LSAMP: variants seen among roughly 807,000 people sequenced by gnomAD.
The protein encoded by LSAMP is limbic system-associated membrane protein.
In LSAMP, 7 loss-of-function variants were observed where a neutral mutation model predicts 38.6. The observed-to-expected ratio is 0.18, with a 90% CI of 0.10 to 0.34. The LOEUF (loss-of-function observed/expected upper bound fraction) is 0.34. Ranked by LOEUF, LSAMP falls within the 10% of genes least tolerant of loss-of-function variation. LSAMP has a pLI of 1.00. For synonymous variants in LSAMP, 154 were observed against 166.8 expected (o/e 0.92, Z 0.59); for missense variants, 313 against 420.0 (o/e 0.75, Z 2.23).
chr3:116,197,119 T>A (rs2107587938), intron 1 of LSAMP, among the ~76,000 whole-genome samples: 1 of 130,710 alleles, frequency 7.7e-6, no homozygotes, highest in Non-Finnish European at 1.6e-5. Context: ...AAAACAAAAG[T>A]ATCCCACTCG....
At chr3:116,028,887 T>C (rs1257086222) in intron 2 of LSAMP, among the ~76,000 whole-genome samples, 1 of 152,150 alleles carries the variant, frequency 6.6e-6, no homozygotes, top group Non-Finnish European at 1.5e-5. Context: ...TGAGCTTTTA[T>C]CTACTATTAT....
At chr3:115,814,865 C>T (rs983929220) in intron 6 of LSAMP, among the ~76,000 whole-genome samples, 1 of 152,126 alleles carries the variant, frequency 6.6e-6, no homozygotes, top group African/African-American at 2.4e-5. Context: ...ACACAGTCTC[C>T]TAAGAATCTG....
intron 1 of LSAMP, among the ~76,000 whole-genome samples, chr3:116,127,836 A>C (rs1044720391): frequency 2.0e-5 from 3 of 150,788 alleles, no homozygotes; most frequent in Admixed American, 6.7e-5. Context: ...TTTATTCATT[A>C]GGGGAGTTAA....
rs1391342242 is a variant in LSAMP at position 116,053,709 on chromosome 3, G to A, written c.388+32615C>T. Among the ~76,000 whole-genome samples the A allele has an allele frequency of 3.3e-5, 5 of 152,148 alleles. No homozygotes were observed. The East Asian group carries it at 5.8e-4, about 18-fold the overall frequency. On this transcript the variant is annotated intron_variant, in intron 2 of 6. Coordinates refer to ENST00000490035, the MANE Select transcript of LSAMP (RefSeq NM_002338.5). ...TGAGAGACAGAATGTAAGGAAGTTC[G>A]TGGGAAAGATGAATGTCAGGCTGAA...
intron 3 of LSAMP, among the ~76,000 whole-genome samples, chr3:116,010,123 G>C (rs557528045): frequency 9.9e-5 from 15 of 152,182 alleles, no homozygotes; most frequent in African/African-American, 3.4e-4. Flanking sequence ...CACCATGTTG[G>C]CCAGCCTGGT....
chr3:115,982,559 C>T (rs756299041), intron 3 of LSAMP, among the ~76,000 whole-genome samples: 18 of 152,178 alleles, frequency 1.2e-4, no homozygotes, highest in Non-Finnish European at 2.2e-4. Flanking sequence ...CTCAGTGTCT[C>T]AATTTCCCAT....
At chr3:116,444,798 AC>A in intron 1 of LSAMP, 78 bp downstream of exon 1, 2 of 1,542,790 alleles carry the variant, frequency 1.3e-6, no homozygotes, top group Non-Finnish European at 1.8e-6. Context: ...ACACACACAC[AC>A]ACACACACAC....
intron 3 of LSAMP, among the ~76,000 whole-genome samples, chr3:116,002,282 T>C (rs1940018376): frequency 6.6e-6 from 1 of 152,084 alleles, no homozygotes; most frequent in African/African-American, 2.4e-5. Flanking sequence ...TTCTGTTTCC[T>C]AGAGCTTGCA....
At chr3:116,165,363 C>T (rs974434862) in intron 1 of LSAMP, among the ~76,000 whole-genome samples, 4 of 152,106 alleles carry the variant, frequency 2.6e-5, no homozygotes, top group Non-Finnish European at 5.9e-5. Flanking sequence ...TAATTTTGTC[C>T]CCTGCAGTGC....
At position 115,861,509 on chromosome 3, in the gene LSAMP, A is replaced by G. The variant is rs563227407; in HGVS notation, c.515-8892T>C. On this transcript the variant is annotated intron_variant, in intron 3 of 6. Transcript: ENST00000490035. ...TCTGGGCTCAATGAGAGAGAGTGGC[A>G]CTGTCCCCCTGGCGGTAGGAGAAGG... 3.1e-5 allele frequency among the ~76,000 whole-genome samples: 4 copies of G among 127,430 alleles called. No individual in the cohort carries two copies. In the East Asian group the frequency reaches 8.6e-4, roughly 27 times the overall value. The allele number at this position is 127,430 out of a possible 152,430, so 83.6% of individuals were successfully genotyped here. A position where few individuals can be genotyped will look rare whatever the true frequency, so the allele number is the denominator to read the frequency against.
chr3:115,832,048 A>G (rs1004372881), intron 6 of LSAMP, among the ~76,000 whole-genome samples: 1 of 152,150 alleles, frequency 6.6e-6, no homozygotes, highest in African/African-American at 2.4e-5. Context: ...TTTTTGTTTA[A>G]TCACAGCTTG....
intron 1 of LSAMP, among the ~76,000 whole-genome samples, chr3:116,094,605 G>A (rs550451197): frequency 1.3e-5 from 2 of 152,300 alleles, no homozygotes; most frequent in East Asian, 3.9e-4. Flanking sequence ...TCAGGGCAGG[G>A]TAAGAACACC....
intron 1 of LSAMP, among the ~76,000 whole-genome samples, chr3:116,331,497 G>A (rs2047851285): frequency 6.6e-6 from 1 of 152,116 alleles, no homozygotes. Context: ...AGCAACAAGA[G>A]AAAATGACAC....
At chr3:115,896,157 C>T (rs1022456657) in intron 3 of LSAMP, among the ~76,000 whole-genome samples, 2 of 152,014 alleles carry the variant, frequency 1.3e-5, no homozygotes, top group South Asian at 2.1e-4. Flanking sequence ...TTTCTCCTTT[C>T]TAATTTTTCT....
intron 1 of LSAMP, among the ~76,000 whole-genome samples, chr3:116,255,965 T>C (rs949121907): frequency 3.9e-5 from 6 of 152,136 alleles, no homozygotes; most frequent in Admixed American, 3.9e-4. Context: ...CAGTGGATTG[T>C]ATATATTTGG....
In LSAMP at chr3:116,162,703, TATAA is replaced by T. The variant is rs1251853627; in HGVS notation, c.156-76151_156-76148del. ...CTCTCTCTCTCTCTCTCTATATATATATAAAGTGAAAGCAAAGTGTGTGAGAGTG... is the reference window on the plus strand; with the variant it reads ...CTCTCTCTCTCTCTCTCTATATATATAGTGAAAGCAAAGTGTGTGAGAGTG... On this transcript the variant is annotated intron_variant, in intron 1 of 6. Transcript: ENST00000490035. Among the ~76,000 whole-genome samples the T allele has an allele frequency of 1.9e-3, 281 of 151,398 alleles. 4 individuals are homozygous for T. Among genetic ancestry groups the T allele is most frequent in the Admixed American group, 6.4e-3 (97 of 15,128 alleles).
At chr3:116,392,064 G>A (rs559503814) in intron 1 of LSAMP, among the ~76,000 whole-genome samples, 15 of 152,278 alleles carry the variant, frequency 9.9e-5, no homozygotes, top group South Asian at 8.3e-4. Flanking sequence ...AAGAAATTGC[G>A]GAGATATCAC....
At chr3:116,111,626 C>CT (rs1482842743) in intron 1 of LSAMP, among the ~76,000 whole-genome samples, 1 of 151,978 alleles carries the variant, frequency 6.6e-6, no homozygotes, top group African/African-American at 2.4e-5. Context: ...TCTTCTCCCC[C>CT]TTTTAACACT....
chr3:116,050,908 G>A (rs1012185304), intron 2 of LSAMP, among the ~76,000 whole-genome samples: 7 of 152,078 alleles, frequency 4.6e-5, no homozygotes, highest in Non-Finnish European at 8.8e-5. Flanking sequence ...GCCATAGTAC[G>A]GGGCACACCA....
Sources: allele counts gnomAD v4.1 joint callset (sites outside exome capture counted in the v4.1 genomes callset), GRCh38; gene constraint gnomAD v4.1.1; transcripts MANE v1.5; gene names NCBI Gene and HGNC (gene_info 2026-07-23, HGNC 2026-07-21).